Variants in NPHP1 observed in about 807,000 individuals in gnomAD.
NPHP1 encodes nephrocystin-1.
NPHP1 carries 70 observed loss-of-function variants against 90.4 expected under a neutral mutation model. The ratio of observed to expected loss-of-function variants is 0.77; its 90% CI spans 0.64 to 0.95. The LOEUF (loss-of-function observed/expected upper bound fraction) is 0.95, where lower values mean the gene tolerates loss of function less well. NPHP1 is among the 40% of genes least tolerant of loss of function. The probability of loss-of-function intolerance (pLI) is 0.00; values close to 1 mark genes in which losing one functional copy is unlikely to be tolerated. For synonymous variants in NPHP1, 256 were observed against 271.7 expected (o/e 0.94, Z 0.57); for missense variants, 764 against 795.9 (o/e 0.96, Z 0.48).
At chr2:110,199,752 A>G (rs868858252) in intron 2 of NPHP1, among the ~76,000 whole-genome samples, 1 of 152,174 alleles carries the variant, frequency 6.6e-6, no homozygotes, top group Non-Finnish European at 1.5e-5. Context: ...AAACAGACAA[A>G]TGGAATTAAC....
At chr2:110,164,497 A>G (rs199714158) in intron 8 of NPHP1, 191 bp downstream of exon 8, 170 of 1,226,074 alleles carry the variant, frequency 1.4e-4, no homozygotes, top group Middle Eastern at 1.9e-4. Context: ...CAAAAAAAAA[A>G]AAAAACTAAT....
intron 2 of NPHP1, among the ~76,000 whole-genome samples, chr2:110,199,674 A>G (rs923610699): frequency 6.6e-6 from 1 of 152,094 alleles, no homozygotes; most frequent in Non-Finnish European, 1.5e-5. Context: ...AACTATTAAC[A>G]GGAAGTTATG....
At chr2:110,164,230 T>C in intron 8 of NPHP1, 1 of 411,258 alleles carries the variant, frequency 2.4e-6, no homozygotes, top group South Asian at 2.3e-5. Flanking sequence ...TAGGATAGGG[T>C]CTCACTATGT....
At chr2:110,204,756 G>A in intron 1 of NPHP1, 144 bp downstream of exon 1, 1 of 787,618 alleles carries the variant, frequency 1.3e-6, no homozygotes, top group South Asian at 1.5e-5. Flanking sequence ...ATGTTATGGG[G>A]TAAGGGGGCG....
At chr2:110,124,675 G>T in intron 19 of NPHP1, 1 of 171,858 alleles carries the variant, frequency 5.8e-6, no homozygotes, top group Non-Finnish European at 1.3e-5. Flanking sequence ...AGCAAGTTGA[G>T]GGCAGAGCTG....
At chr2:110,179,510 G>C (rs1574159510) in intron 3 of NPHP1, 114 bp downstream of exon 3, 1 of 630,100 alleles carries the variant, frequency 1.6e-6, no homozygotes, top group East Asian at 3.0e-5. Flanking sequence ...GCTGCAGTTA[G>C]ACTATATCAC....
In NPHP1 at chr2:110,169,970, C is replaced by T; in HGVS notation, c.358G>A (p.Glu120Lys). Residue 120 changes from glutamate (E) to lysine (K), a missense_variant, in exon 5 of 20, where the codon GAA (glutamate) becomes AAA (lysine). By Grantham distance (56) the Glu-to-Lys change is moderately conservative. Coordinates refer to ENST00000445609, the MANE Select transcript of NPHP1 (RefSeq NM_001128178.3). ...TCTTCACTATCTTCACTTTCACTTT[C>T]TTCCTCTTCTTCAGTAGGTGCCCCA... is the stretch of plus-strand genomic sequence containing the variant. The part of the protein sequence containing the change: ...EVGAPTEEEE[E>K]SESEDSEDSG... 2.5e-6 allele frequency: 4 copies of T among 1,611,346 alleles called. No individual in the cohort carries two copies. Among genetic ancestry groups the T allele is most frequent in the Non-Finnish European group, 3.4e-6 (4 of 1,177,602 alleles).
At position 110,178,497 on chromosome 2, in the gene NPHP1, C is replaced by T; in HGVS notation, c.255G>A (p.Glu85=). 6.2e-7 allele frequency: 1 copy of T among 1,613,526 alleles called. No individual in the cohort carries two copies. Among genetic ancestry groups the T allele is most frequent in the Non-Finnish European group, 8.5e-7 (1 of 1,179,500 alleles). The change falls in exon 4 of 20, where the codon GAG becomes GAA. Residue 85 remains glutamate, a synonymous_variant. Transcript: ENST00000445609. Reference sequence around the variant, plus strand: ...GGGTAAGCTTGTCCAAAAGAGTATGCTCCTCTTCTTTTCTCTGATTATAGT... The same window carrying T: ...GGGTAAGCTTGTCCAAAAGAGTATGTTCCTCTTCTTTTCTCTGATTATAGT... The part of the protein sequence containing the change: ...VANYNQRKEE[E]HTLLDKLTQQ...
chr2:110,167,104 T>G (rs952348090), intron 6 of NPHP1, among the ~76,000 whole-genome samples: 2 of 152,160 alleles, frequency 1.3e-5, no homozygotes, highest in East Asian at 1.9e-4. Context: ...TTTTACTTTT[T>G]AAAAATGTGT....
At chr2:110,135,422 A>G (rs987089522) in intron 16 of NPHP1, among the ~76,000 whole-genome samples, 1 of 139,736 alleles carries the variant, frequency 7.2e-6, no homozygotes, top group Non-Finnish European at 1.5e-5. Flanking sequence ...GCTTGCAGTG[A>G]GCCGAGATTG....
At chr2:110,143,814 T>A in intron 15 of NPHP1, 173 bp from the exon 16 acceptor site, 1 of 605,814 alleles carries the variant, frequency 1.7e-6, no homozygotes, top group South Asian at 1.9e-5. Flanking sequence ...GGCACAGGAT[T>A]GTTTGCTAAA....
intron 18 of NPHP1, chr2:110,125,932 T>C (rs1679330046): frequency 9.5e-6 from 5 of 524,366 alleles, no homozygotes; most frequent in African/African-American, 7.7e-5. Context: ...AACTTAAGAA[T>C]AGAATCAGCG....
At chr2:110,143,205 A>C (rs1252735295) in intron 16 of NPHP1, among the ~76,000 whole-genome samples, 1 of 152,132 alleles carries the variant, frequency 6.6e-6, no homozygotes, top group Non-Finnish European at 1.5e-5. Flanking sequence ...AAAAAGAGTA[A>C]ATTTTACTGC....
rs1330375735 is a variant in NPHP1, at chr2:110,165,120, A to C, written c.660T>G (p.Ser220Arg). ...YSEEEEGQESSEEGSEEDVEA... is the reference protein window; with the variant it reads ...YSEEEEGQESREEGSEEDVEA... ...CTACATCTTCTTCACTGCCCTCTTC[A>C]CTTGACTCTTGGCCTTCTTCTTCTT... Residue 220 changes from serine to arginine, a missense_variant, in exon 7 of 20, where the codon AGT (serine) becomes AGG (arginine). Ser to Arg is a moderately radical substitution (Grantham distance 110). Coordinates refer to ENST00000445609, the MANE Select transcript of NPHP1 (RefSeq NM_001128178.3). 2.5e-6 allele frequency: 4 copies of C among 1,613,742 alleles called. No homozygotes were observed. In the South Asian group the frequency reaches 3.3e-5, roughly 13 times the overall value.
intron 2 of NPHP1, chr2:110,184,123 C>CTGGTTT (rs1216430951): frequency 1.8e-6 from 1 of 550,354 alleles, no homozygotes; most frequent in Admixed American, 1.9e-5. Context: ...GTGATTAAAG[C>CTGGTTT]TGGTTTTGCT....
chr2:110,134,531 A>G (rs1680022547), intron 16 of NPHP1, among the ~76,000 whole-genome samples: 1 of 136,382 alleles, frequency 7.3e-6, no homozygotes, highest in Non-Finnish European at 1.5e-5. Context: ...ATACTACAAG[A>G]AAAAAAAAAA....
Position 110,160,115 on chromosome 2 carries a change from C to T in NPHP1, c.1083+12G>A. On this transcript the variant is annotated intron_variant, in intron 11 of 19. Coordinates refer to ENST00000445609, the MANE Select transcript of NPHP1 (RefSeq NM_001128178.3). ...TCCTAGTATGAATTGATTTACTTCT[C>T]AGTAACCTTACCTTATTACCATCAA... 1 of 1,611,840 alleles carries T rather than the reference C, an allele frequency of 6.2e-7. No individual in the cohort carries two copies. The highest frequency in any genetic ancestry group is 8.5e-7 in the Non-Finnish European group (1 of 1,178,188).
intron 6 of NPHP1, among the ~76,000 whole-genome samples, chr2:110,168,177 T>C (rs994351613): frequency 6.6e-6 from 1 of 152,176 alleles, no homozygotes; most frequent in African/African-American, 2.4e-5. Flanking sequence ...CAATAAACAA[T>C]AGACACCTAT....
At chr2:110,184,538 G>A in intron 2 of NPHP1, 1 of 1,280,296 alleles carries the variant, frequency 7.8e-7, no homozygotes, top group Non-Finnish European at 1.1e-6. Context: ...TGGATTCTGG[G>A]GATGGCATCA....
Sources: allele counts gnomAD v4.1 joint callset (sites outside exome capture counted in the v4.1 genomes callset), GRCh38; gene constraint gnomAD v4.1.1; transcripts MANE v1.5; gene names NCBI Gene and HGNC (gene_info 2026-07-23, HGNC 2026-07-21).